The following DENND2A variants were observed in gnomAD, a reference collection of about 807,000 sequenced individuals.
DENND2A encodes DENN domain containing 2A.
In DENND2A, 53 loss-of-function variants were observed where a neutral mutation model predicts 105.3. That is an observed-to-expected ratio of 0.50 (90% CI 0.40 to 0.63). The LOEUF (loss-of-function observed/expected upper bound fraction) is 0.63. DENND2A is among the 30% of genes least tolerant of loss of function. The probability of loss-of-function intolerance (pLI) is 0.00; values close to 1 mark genes in which losing one functional copy is unlikely to be tolerated. For synonymous variants in DENND2A, 522 were observed against 508.4 expected, an observed-to-expected ratio of 1.03 and a Z score of -0.36; for missense variants, 1,138 against 1,279.6, an observed-to-expected ratio of 0.89 and a Z score of 1.69.
intron 7 of DENND2A, 118 bp downstream of exon 7, chr7:140,569,527 A>G (rs763147892): frequency 2.6e-6 from 2 of 765,628 alleles, no homozygotes; most frequent in South Asian, 3.0e-5. Context: ...CGGGACATTT[A>G]CAAAGCATCA....
chr7:140,570,751 G>T (rs993023913), intron 6 of DENND2A, among the ~76,000 whole-genome samples: 1 of 152,200 alleles, frequency 6.6e-6, no homozygotes, highest in African/African-American at 2.4e-5. Flanking sequence ...ACTGCCAGAC[G>T]CCCTGTGCCC....
intron 1 of DENND2A, among the ~76,000 whole-genome samples, chr7:140,610,308 A>G (rs1799848127): frequency 6.6e-6 from 1 of 150,692 alleles, no homozygotes; most frequent in Non-Finnish European, 1.5e-5. Flanking sequence ...AAAAAAAAAA[A>G]GCCAGATGGG....
chr7:140,637,453 C>G (rs1800990208), intron 1 of DENND2A, among the ~76,000 whole-genome samples: 1 of 152,196 alleles, frequency 6.6e-6, no homozygotes, highest in African/African-American at 2.4e-5. Context: ...GTGCCTGAGT[C>G]TGCAGGACCT....
intron 16 of DENND2A, among the ~76,000 whole-genome samples, chr7:140,525,048 C>T (rs990391370): frequency 1.3e-5 from 2 of 150,286 alleles, no homozygotes; most frequent in Non-Finnish European, 3.0e-5. Flanking sequence ...CATATTGAAG[C>T]TGGGCATGGT....
chr7:140,625,941 T>C (rs1404534128), intron 1 of DENND2A, among the ~76,000 whole-genome samples: 2 of 152,214 alleles, frequency 1.3e-5, no homozygotes, highest in Admixed American at 6.5e-5. Flanking sequence ...CTGATACAAA[T>C]TGAGCACTTA....
At position 140,527,514 on chromosome 7, in the gene DENND2A, C is replaced by G. The variant is rs1354921633; in HGVS notation, c.2328-19G>C. The G allele has an allele frequency of 1.3e-6, 2 of 1,581,566 alleles. No homozygotes were observed. Among genetic ancestry groups the G allele is most frequent in the Non-Finnish European group, 1.7e-6 (2 of 1,160,230 alleles). On this transcript the variant is annotated intron_variant, in intron 14 of 19. Coordinates refer to ENST00000496613, the MANE Select transcript of DENND2A (RefSeq NM_015689.5). The surrounding 1 kb of genome is among the most constrained non-coding windows in gnomAD (Gnocchi z 4.9). Reference sequence around the variant, plus strand: ...CAGGATGCTGCAGCCGGGGAGAGAACAGGGAGAGAGGCCGACTCAGCGAGG... The same window carrying G: ...CAGGATGCTGCAGCCGGGGAGAGAAGAGGGAGAGAGGCCGACTCAGCGAGG...
chr7:140,598,366 G>A (rs1013032106), intron 3 of DENND2A, among the ~76,000 whole-genome samples: 6 of 152,360 alleles, frequency 3.9e-5, no homozygotes, highest in Non-Finnish European at 8.8e-5. Context: ...GTGCCTGTGA[G>A]TGAAACTCTA....
At chr7:140,591,903 CCT>C (rs1222705941) in intron 3 of DENND2A, among the ~76,000 whole-genome samples, 4 of 99,760 alleles carry the variant, frequency 4.0e-5, no homozygotes, top group African/African-American at 4.2e-5. Flanking sequence ...TCTTTTTCTT[CCT>C]CTCTCTTTCT....
chr7:140,518,748 A>T lies in DENND2A; in HGVS notation c.2999-10T>A. On this transcript the variant is annotated splice_polypyrimidine_tract_variant and intron_variant, in intron 19 of 19. Transcript: ENST00000496613. ...AATTTCATTTTATTGCCTAAAAAAA[A>T]GGAAAATGAGAACATTTCACAAGGC... 1 of 1,612,716 alleles carries T rather than the reference A, an allele frequency of 6.2e-7. No individual in the cohort carries two copies. Among genetic ancestry groups the T allele is most frequent in the Non-Finnish European group, 8.5e-7 (1 of 1,178,690 alleles).
intron 4 of DENND2A, among the ~76,000 whole-genome samples, chr7:140,586,039 G>A (rs1451069095): frequency 1.3e-5 from 2 of 152,026 alleles, no homozygotes; most frequent in Non-Finnish European, 2.9e-5. Flanking sequence ...GGCATTCCCC[G>A]GCTCTAAAGG....
intron 1 of DENND2A, among the ~76,000 whole-genome samples, chr7:140,639,038 T>C (rs1801071383): frequency 6.6e-6 from 1 of 152,132 alleles, no homozygotes. Flanking sequence ...TGACACAGGA[T>C]TTTATTAATC....
At chr7:140,584,730 C>T (rs141808347) in intron 5 of DENND2A, among the ~76,000 whole-genome samples, 232 of 152,224 alleles carry the variant, frequency 1.5e-3, no homozygotes, top group African/African-American at 5.3e-3. Context: ...CTTGGGTATC[C>T]GCACAGAGAT....
chr7:140,519,627 C>T lies in DENND2A; in HGVS notation c.2998+5G>A, dbSNP rs12538386. The T allele has an allele frequency of 0.078, 125,454 of 1,612,892 alleles. 5,348 individuals are homozygous for T. Among genetic ancestry groups the T allele is most frequent in the Non-Finnish European group, 0.088 (103,625 of 1,179,004 alleles). ...AGGCTGGGCACCCAGAGCCCGGGGC[C>T]TTACCTAGTCCCTTCAGGAACTTAT... On this transcript the variant is annotated splice_donor_5th_base_variant and intron_variant, in intron 19 of 19. Transcript: ENST00000496613.
chr7:140,617,776 T>C (rs575315367), intron 1 of DENND2A, among the ~76,000 whole-genome samples: 1 of 152,286 alleles, frequency 6.6e-6, no homozygotes, highest in South Asian at 2.1e-4. Context: ...TCAGCTTGTC[T>C]GACAAATGAA....
In DENND2A at chr7:140,602,093, C is replaced by T. The variant is rs1477861449; in HGVS notation, c.305G>A (p.Gly102Glu). Residue 102 changes from glycine to glutamate, a missense_variant, in exon 3 of 20, where the codon GGA becomes GAA. Around this residue, in one of 2 missense-constraint regions of DENND2A, gnomAD observed 511 missense variants for 499.9 expected, o/e 1.02. Transcript: ENST00000496613. ...VTEAKNGMRP[G>E]TESTEKERNK... ...CCTCTCCTTCTCTGTGCTCTCTGTT[C>T]CTGGCCTCATTCCATTCTTAGCCTC... The T allele has an allele frequency of 1.2e-6, 2 of 1,614,174 alleles. No individual in the cohort carries two copies. Among genetic ancestry groups the T allele is most frequent in the Non-Finnish European group, 1.7e-6 (2 of 1,180,020 alleles).
chr7:140,610,758 G>A (rs181075365), intron 1 of DENND2A, among the ~76,000 whole-genome samples: 16 of 152,340 alleles, frequency 1.1e-4, no homozygotes, highest in East Asian at 7.7e-4. Flanking sequence ...TCACAGGAGC[G>A]GCTGTGGACC....
At chr7:140,575,904 G>A (rs1798279841) in intron 5 of DENND2A, among the ~76,000 whole-genome samples, 6 of 151,476 alleles carry the variant, frequency 4.0e-5, no homozygotes, top group African/African-American at 1.2e-4. Flanking sequence ...AGGAGGTAGA[G>A]GTTGCAGTGA....
chr7:140,581,101 A>T (rs1042960464), intron 5 of DENND2A, among the ~76,000 whole-genome samples: 3 of 151,922 alleles, frequency 2.0e-5, no homozygotes, highest in Non-Finnish European at 4.4e-5. Context: ...TGTCTTTACT[A>T]AAAATACCCA....
chr7:140,626,717 G>A (rs761425725), intron 1 of DENND2A, among the ~76,000 whole-genome samples: 4 of 152,128 alleles, frequency 2.6e-5, no homozygotes, highest in Non-Finnish European at 2.9e-5. Flanking sequence ...TGAGCAGAGA[G>A]TTTCCAGGCC....
Sources: allele counts gnomAD v4.1 joint callset (sites outside exome capture counted in the v4.1 genomes callset), GRCh38; gene constraint gnomAD v4.1.1; regional missense constraint gnomAD v4.1.1; non-coding constraint Gnocchi (gnomAD v3.1); transcripts MANE v1.5; gene names NCBI Gene and HGNC (gene_info 2026-07-23, HGNC 2026-07-21).